Variants in RPS6KA6 observed in about 807,000 individuals in gnomAD.
RPS6KA6 encodes ribosomal protein S6 kinase alpha-6.
A neutral mutation model predicts 65.4 loss-of-function variants in RPS6KA6; 27 were observed. The ratio of observed to expected loss-of-function variants is 0.41; its 90% CI spans 0.30 to 0.57. The LOEUF (loss-of-function observed/expected upper bound fraction) is 0.57. Ranked by LOEUF, RPS6KA6 falls within the 20% of genes least tolerant of loss-of-function variation. RPS6KA6 has a pLI of 0.24. For missense variants in RPS6KA6, 486 were observed against 555.6 expected, an observed-to-expected ratio of 0.87 and a Z score of 1.26; for synonymous variants, 190 against 184.2, an observed-to-expected ratio of 1.03 and a Z score of -0.26.
At chrX:84,097,661 A>G (rs913099325) in intron 19 of RPS6KA6, 111 bp downstream of exon 19, 1 of 466,160 alleles carries the variant, frequency 2.1e-6, no homozygotes, top group African/African-American at 2.5e-5. Context: ...ATATTTTGAA[A>G]TGTAAATGTC....
At chrX:84,098,611 C>A (rs2034200923) in intron 18 of RPS6KA6, among the ~76,000 whole-genome samples, 1 of 110,997 alleles carries the variant, frequency 9.0e-6, no homozygotes, top group Non-Finnish European at 1.9e-5. Context: ...AGCCTCTAGG[C>A]ATAGGAACAA....
intron 1 of RPS6KA6, among the ~76,000 whole-genome samples, chrX:84,177,873 C>T (rs1158189367): frequency 3.6e-5 from 4 of 111,776 alleles, no homozygotes; most frequent in Non-Finnish European, 7.5e-5. Context: ...TGGCTCACAG[C>T]AGCCTTGACT....
At chrX:84,106,566 T>TCA (rs1265197036) in intron 14 of RPS6KA6, 79 bp from the exon 15 acceptor site, 2 of 696,559 alleles carry the variant, frequency 2.9e-6, no homozygotes, top group Non-Finnish European at 4.2e-6. Flanking sequence ...AAATATACAT[T>TCA]CATCTTAAGC....
chrX:84,096,627 T>C (rs969947570), intron 19 of RPS6KA6, among the ~76,000 whole-genome samples: 1 of 111,573 alleles, frequency 9.0e-6, no homozygotes, highest in Non-Finnish European at 1.9e-5. Flanking sequence ...AAAACACACA[T>C]ATTCAAGGCA....
At chrX:84,134,948 TAAAGTC>T (rs1372329569) in intron 7 of RPS6KA6, 129 bp from the exon 8 acceptor site, 1 of 591,739 alleles carries the variant, frequency 1.7e-6, no homozygotes, top group Non-Finnish European at 2.6e-6. Flanking sequence ...ATGATTAACT[TAAAGTC>T]AATGTACGTC....
At chrX:84,140,154 A>G (rs1009936961) in intron 6 of RPS6KA6, among the ~76,000 whole-genome samples, 2 of 111,460 alleles carry the variant, frequency 1.8e-5, no homozygotes, top group East Asian at 5.7e-4. Flanking sequence ...GAACCAGTCG[A>G]TGAACTCACG....
At chrX:84,135,004 C>T (rs2034967775) in intron 7 of RPS6KA6, 100 bp downstream of exon 7, 4 of 652,225 alleles carry the variant, frequency 6.1e-6, no homozygotes, top group Non-Finnish European at 9.5e-6. Flanking sequence ...TCATATAATT[C>T]ATATAGAATT....
intron 20 of RPS6KA6, among the ~76,000 whole-genome samples, chrX:84,066,159 A>G (rs1431331958): frequency 9.0e-6 from 1 of 110,498 alleles, no homozygotes; most frequent in Non-Finnish European, 1.9e-5. Flanking sequence ...CCTGGGTTTC[A>G]AGGATAAAAC....
intron 2 of RPS6KA6, among the ~76,000 whole-genome samples, chrX:84,159,082 ATG>A (rs955157160): frequency 3.6e-5 from 4 of 110,916 alleles, no homozygotes; most frequent in South Asian, 3.8e-4. Flanking sequence ...ACATGTGTGT[ATG>A]TGTTTATATA....
intron 12 of RPS6KA6, among the ~76,000 whole-genome samples, chrX:84,108,964 T>A (rs975385587): frequency 8.9e-6 from 1 of 112,150 alleles, no homozygotes; most frequent in Non-Finnish European, 1.9e-5. Flanking sequence ...CTTACATGTA[T>A]ATACTGGCCA....
At position 84,155,564 on chromosome X, in the gene RPS6KA6, T is replaced by G. The variant is rs1269058946; in HGVS notation, c.258+511A>C. ...GCTTTCTGCCTTGAAATGTAAGCTC[T>G]CTGAAGACTTAAATAAACCACATAT... is the stretch of plus-strand genomic sequence containing the variant. On this transcript the variant is annotated intron_variant, in intron 3 of 21. Coordinates refer to ENST00000262752, the MANE Select transcript of RPS6KA6 (RefSeq NM_014496.5). Among the ~76,000 whole-genome samples, 16 of 112,248 alleles carry G rather than the reference T, an allele frequency of 1.4e-4. No homozygotes were observed. The Admixed American group carries it at 1.5e-3, about 11-fold the overall frequency.
At chrX:84,095,585 G>T (rs2034137287) in intron 20 of RPS6KA6, among the ~76,000 whole-genome samples, 1 of 108,693 alleles carries the variant, frequency 9.2e-6, no homozygotes, top group African/African-American at 3.3e-5. Context: ...GTAAGAAAAA[G>T]TAAAGAATAT....
At chrX:84,116,163 T>C (rs1252866747) in intron 12 of RPS6KA6, 66 bp downstream of exon 12, 14 of 607,900 alleles carry the variant, frequency 2.3e-5, no homozygotes, top group Non-Finnish European at 3.4e-5. Flanking sequence ...TTAAAAGCAA[T>C]AAATCTTTAA....
intron 20 of RPS6KA6, among the ~76,000 whole-genome samples, chrX:84,095,731 C>T (rs1353962667): frequency 8.9e-6 from 1 of 111,737 alleles, no homozygotes; most frequent in Non-Finnish European, 1.9e-5. Context: ...TATATTTCTA[C>T]TGGACCACTC....
chrX:84,097,772 C>T lies in RPS6KA6; in HGVS notation c.1853G>A (p.Gly618Asp). Residue 618 changes from glycine to aspartate, a missense_variant and splice_region_variant, in exon 19 of 22, where the codon GGC becomes GAC. By Grantham distance (94) the Gly-to-Asp change is moderately conservative. Around this residue, in one of 3 missense-constraint regions of RPS6KA6, gnomAD observed 345 missense variants for 375.0 expected, o/e 0.92. Coordinates refer to ENST00000262752, the MANE Select transcript of RPS6KA6 (RefSeq NM_014496.5). ...ATGCTTTTGAATATATGTTTCTTACCCAGCCAACATTGTGTAAAAAAGGAC... is the reference window on the plus strand; with the variant it reads ...ATGCTTTTGAATATATGTTTCTTACTCAGCCAACATTGTGTAAAAAAGGAC... ...LGVLFYTMLAGYTPFANGPND... is the reference protein window; with the variant it reads ...LGVLFYTMLADYTPFANGPND... 8.6e-7 allele frequency: 1 copy of T among 1,159,174 alleles called. No homozygotes were observed. Among genetic ancestry groups the T allele is most frequent in the African/African-American group, 1.8e-5 (1 of 56,278 alleles).
intron 12 of RPS6KA6, among the ~76,000 whole-genome samples, chrX:84,108,714 C>G (rs773624854): frequency 9.0e-6 from 1 of 111,686 alleles, no homozygotes; most frequent in Non-Finnish European, 1.9e-5. Flanking sequence ...AGGTACTGCT[C>G]AAGCCCATGT....
chrX:84,175,245 A>C (rs1244627383), intron 1 of RPS6KA6, among the ~76,000 whole-genome samples: 2 of 111,244 alleles, frequency 1.8e-5, no homozygotes, highest in Admixed American at 1.9e-4. Flanking sequence ...TGGTTCCAGG[A>C]CCTCTCGTGG....
chrX:84,178,677 A>G (rs189962347), intron 1 of RPS6KA6, among the ~76,000 whole-genome samples: 94 of 111,813 alleles, frequency 8.4e-4, no homozygotes, highest in Non-Finnish European at 1.3e-3. Context: ...AATTCAATAG[A>G]GAACAGGTAG....
intron 18 of RPS6KA6, among the ~76,000 whole-genome samples, chrX:84,101,347 A>G (rs184681151): frequency 9.0e-6 from 1 of 110,844 alleles, no homozygotes; most frequent in East Asian, 2.8e-4. Context: ...TCTCATCCCC[A>G]TGGTTAGAAT....
Sources: gnomAD v4.1 joint callset for allele counts (sites outside exome capture counted in the v4.1 genomes callset) on GRCh38, gnomAD v4.1.1 for gene constraint, gnomAD v4.1.1 regional missense constraint, MANE v1.5 for transcripts, NCBI Gene and HGNC (gene_info 2026-07-23, HGNC 2026-07-21) for gene names.